The following SAE1 variants were observed in gnomAD, a reference collection of about 807,000 sequenced individuals.
SAE1 encodes the protein SUMO1 activating enzyme subunit 1, also known as SUMO-activating enzyme subunit 1.
SAE1 carries 11 observed loss-of-function variants against 40.6 expected under a neutral mutation model. That is an observed-to-expected ratio of 0.27 (90% confidence interval 0.17 to 0.45). SAE1 has a LOEUF of 0.45. SAE1 is among the 20% of genes least tolerant of loss of function. SAE1 has a pLI of 1.00. For missense variants in SAE1, 373 were observed against 427.3 expected, an observed-to-expected ratio of 0.87 and a Z score of 1.12; for synonymous variants, 155 against 154.3, an observed-to-expected ratio of 1.00 and a Z score of -0.03.
rs748289334 is a variant in SAE1 at position 47,160,214 on chromosome 19, A to ATTTTT, written c.627+5022_627+5026dup. ...AGGCCAGAGAGGTTCAAAATCCTGC[A>ATTTTT]TTTTTTTTTTTTTTTTTTTTTTTTT... On this transcript the variant is annotated intron_variant, in intron 5 of 8. Transcript: ENST00000270225. 2.8e-3 allele frequency among the ~76,000 whole-genome samples: 209 copies of ATTTTT among 74,588 alleles called. 18 individuals are homozygous for ATTTTT. Among genetic ancestry groups the ATTTTT allele is most frequent in the African/African-American group, 9.8e-3 (179 of 18,198 alleles). The allele number at this position is 74,588 out of a possible 152,430, so 48.9% of individuals were successfully genotyped here.
At chr19:47,162,332 A>G (rs2058363855) in intron 5 of SAE1, among the ~76,000 whole-genome samples, 1 of 152,198 alleles carries the variant, frequency 6.6e-6, no homozygotes, top group Non-Finnish European at 1.5e-5. Context: ...CTCCTTGGGC[A>G]ATTGTGTTAA....
chr19:47,193,074 TGG>T (rs2058589642), intron 6 of SAE1, among the ~76,000 whole-genome samples: 1 of 149,422 alleles, frequency 6.7e-6, no homozygotes, highest in Non-Finnish European at 1.5e-5. Context: ...TTTTTTTTTT[TGG>T]AGACAGAGTC....
At chr19:47,163,137 G>A (rs1237146604) in intron 5 of SAE1, among the ~76,000 whole-genome samples, 1 of 151,444 alleles carries the variant, frequency 6.6e-6, no homozygotes, top group African/African-American at 2.4e-5. Flanking sequence ...AACAAAATTG[G>A]GGCACTGTTT....
chr19:47,150,627 T>C (rs1600159716), intron 3 of SAE1, among the ~76,000 whole-genome samples: 2 of 152,208 alleles, frequency 1.3e-5, no homozygotes, highest in African/African-American at 4.8e-5. Flanking sequence ...TCTCTGGGCA[T>C]ATGTTCCCTC....
intron 5 of SAE1, among the ~76,000 whole-genome samples, chr19:47,155,560 A>G (rs1223234379): frequency 6.6e-6 from 1 of 151,956 alleles, no homozygotes; most frequent in Non-Finnish European, 1.5e-5. Flanking sequence ...TCCTGGGTTC[A>G]AGCAATTCTC....
chr19:47,140,030 C>T (rs1393889616), intron 1 of SAE1, among the ~76,000 whole-genome samples: 1 of 150,526 alleles, frequency 6.6e-6, no homozygotes, highest in Admixed American at 6.6e-5. Flanking sequence ...CTCCGCCTCC[C>T]GGGTTCAAGC....
chr19:47,170,503 C>CTTTTTTTTTTTTT (rs34836827), intron 6 of SAE1, among the ~76,000 whole-genome samples: 2 of 83,910 alleles, frequency 2.4e-5, no homozygotes, highest in African/African-American at 4.8e-5. Context: ...CGCCCCCCGC[C>CTTTTTTTTTTTTT]TTTTTTTTTT....
chr19:47,131,697 CTTTTTTT>C (rs554165710), intron 1 of SAE1, among the ~76,000 whole-genome samples: 8 of 84,142 alleles, frequency 9.5e-5, no homozygotes, highest in South Asian at 4.8e-4. Context: ...TTAGGGAATT[CTTTTTTT>C]TTTTTTTTTT....
chr19:47,136,294 A>G (rs2058179516), intron 1 of SAE1, among the ~76,000 whole-genome samples: 1 of 151,578 alleles, frequency 6.6e-6, no homozygotes, highest in Non-Finnish European at 1.5e-5. Context: ...ACCTGCCACC[A>G]CGCCCGGCTA....
intron 5 of SAE1, among the ~76,000 whole-genome samples, chr19:47,158,737 C>G (rs886792831): frequency 1.3e-5 from 2 of 152,180 alleles, no homozygotes; most frequent in African/African-American, 4.8e-5. Context: ...GAATCACATC[C>G]AGTCTTGTTG....
intron 6 of SAE1, among the ~76,000 whole-genome samples, chr19:47,189,790 C>T (rs917190978): frequency 2.6e-5 from 4 of 152,120 alleles, no homozygotes; most frequent in African/African-American, 9.7e-5. Context: ...TTATTTTCTT[C>T]CTACTAAAGT....
chr19:47,140,807 A>G (rs569280048), intron 1 of SAE1, among the ~76,000 whole-genome samples: 5 of 152,166 alleles, frequency 3.3e-5, no homozygotes, highest in African/African-American at 1.2e-4. Flanking sequence ...ATAAAACAAA[A>G]CGTAAACATG....
At chr19:47,135,897 A>G (rs961410288) in intron 1 of SAE1, among the ~76,000 whole-genome samples, 6 of 151,562 alleles carry the variant, frequency 4.0e-5, no homozygotes, top group Non-Finnish European at 8.8e-5. Context: ...TCCGCCTCCC[A>G]GGTTCACGCC....
At chr19:47,188,950 A>C (rs1308271744) in intron 6 of SAE1, among the ~76,000 whole-genome samples, 2 of 152,150 alleles carry the variant, frequency 1.3e-5, no homozygotes, top group East Asian at 3.9e-4. Flanking sequence ...GCTCTCTCAA[A>C]GCCCCTTTTC....
chr19:47,205,062 A>G (rs755438329), intron 8 of SAE1, among the ~76,000 whole-genome samples: 1 of 152,286 alleles, frequency 6.6e-6, no homozygotes. Flanking sequence ...TTCTTTGCAG[A>G]CTTTGCTATT....
At chr19:47,176,110 C>A (rs2058466935) in intron 6 of SAE1, among the ~76,000 whole-genome samples, 1 of 152,142 alleles carries the variant, frequency 6.6e-6, no homozygotes, top group Admixed American at 6.6e-5. Flanking sequence ...TTTATGTAAT[C>A]AAACTGTGAA....
intron 1 of SAE1, among the ~76,000 whole-genome samples, chr19:47,141,606 C>A (rs2058222552): frequency 2.0e-5 from 3 of 151,866 alleles, no homozygotes; most frequent in Admixed American, 6.6e-5. Flanking sequence ...GATAAAAAAG[C>A]CTTTTTTTGA....
chr19:47,137,727 GTT>G (rs2058190393), intron 1 of SAE1, among the ~76,000 whole-genome samples: 1 of 100,524 alleles, frequency 9.9e-6, no homozygotes, highest in Non-Finnish European at 2.2e-5. Context: ...GTGTGTGTGT[GTT>G]GTTTTTTTTT....
chr19:47,201,360 CTT>C (rs57568797), intron 7 of SAE1, among the ~76,000 whole-genome samples: 223 of 66,156 alleles, frequency 3.4e-3, no homozygotes, highest in African/African-American at 0.015. Flanking sequence ...TATCTGGTTC[CTT>C]TTTTTTTTTT....
Sources: allele counts gnomAD v4.1 joint callset (sites outside exome capture counted in the v4.1 genomes callset), GRCh38; gene constraint gnomAD v4.1.1; transcripts MANE v1.5; gene names NCBI Gene and HGNC (gene_info 2026-07-23, HGNC 2026-07-21).